LYPD6B: variants seen among roughly 807,000 people sequenced by gnomAD.
The protein encoded by LYPD6B is ly6/PLAUR domain-containing protein 6B.
A neutral mutation model predicts 22.8 loss-of-function variants in LYPD6B; 17 were observed. That is an observed-to-expected ratio of 0.75 (90% CI 0.51 to 1.12). The LOEUF (loss-of-function observed/expected upper bound fraction) is 1.12. LYPD6B is among the 50% of genes most tolerant of loss of function. The pLI, the probability that LYPD6B is intolerant of heterozygous loss-of-function variation, is 0.00. For synonymous variants in LYPD6B, 106 were observed against 91.6 expected (o/e 1.16, Z -0.90); for missense variants, 221 against 258.3 (o/e 0.86, Z 0.99).
In LYPD6B at chr2:149,121,339, A is replaced by G. The variant is rs570433736; in HGVS notation, c.-66-9544A>G. The stretch of plus-strand genomic sequence containing the variant: ...TTTGTTTTTTATGCAATTCATCTTA[A>G]TGGGTTTGCTTCCCTGAGGGATGGT... On this transcript the variant is annotated intron_variant, in intron 1 of 6. Coordinates refer to ENST00000409642, the MANE Select transcript of LYPD6B (RefSeq NM_177964.5). Among the ~76,000 whole-genome samples, 34 of 152,306 alleles carry G rather than the reference A, an allele frequency of 2.2e-4. No individual in the cohort carries two copies. In the South Asian group the frequency reaches 3.7e-3, roughly 17 times the overall value.
At chr2:149,106,248 C>A (rs996645343) in intron 1 of LYPD6B, among the ~76,000 whole-genome samples, 7 of 151,932 alleles carry the variant, frequency 4.6e-5, no homozygotes, top group Non-Finnish European at 7.4e-5. Context: ...TTGCAATTTT[C>A]TTTTATTATA....
At chr2:149,188,166 G>A (rs758133776) in intron 3 of LYPD6B, among the ~76,000 whole-genome samples, 1 of 152,184 alleles carries the variant, frequency 6.6e-6, no homozygotes, top group Non-Finnish European at 1.5e-5. Context: ...CAGTATAGGA[G>A]AGAGACAAGT....
intron 1 of LYPD6B, among the ~76,000 whole-genome samples, chr2:149,057,868 T>C (rs1558972308): frequency 6.6e-6 from 1 of 152,274 alleles, no homozygotes; most frequent in East Asian, 1.9e-4. Flanking sequence ...AGCAGAGCTT[T>C]CCCTGTGATG....
At chr2:149,103,127 T>C (rs1197506051) in intron 1 of LYPD6B, among the ~76,000 whole-genome samples, 1 of 152,138 alleles carries the variant, frequency 6.6e-6, no homozygotes, top group Admixed American at 6.5e-5. Flanking sequence ...ATGACAGGCA[T>C]GACAAAGGGA....
At chr2:149,152,293 C>T (rs1689429639) in intron 2 of LYPD6B, among the ~76,000 whole-genome samples, 1 of 152,204 alleles carries the variant, frequency 6.6e-6, no homozygotes, top group Non-Finnish European at 1.5e-5. Flanking sequence ...GAGTACATGT[C>T]ATATGCAAGG....
chr2:149,113,814 T>G (rs1425236738), intron 1 of LYPD6B, among the ~76,000 whole-genome samples: 1 of 152,166 alleles, frequency 6.6e-6, no homozygotes, highest in African/African-American at 2.4e-5. Flanking sequence ...TGAGTTCAGT[T>G]GGCTTCCTGG....
rs562210747 is a variant in LYPD6B at position 149,135,662 on chromosome 2, G to A, written c.5+4709G>A. 1.6e-4 allele frequency among the ~76,000 whole-genome samples: 22 copies of A among 139,418 alleles called. No individual in the cohort carries two copies. The South Asian group carries it at 5.2e-3, about 33-fold the overall frequency. The allele number at this position is 139,418 out of a possible 152,430, so 91.5% of individuals were successfully genotyped here. On this transcript the variant is annotated intron_variant, in intron 2 of 6. Coordinates refer to ENST00000409642, the MANE Select transcript of LYPD6B (RefSeq NM_177964.5). Reference sequence around the variant, plus strand: ...TTGAACCTGGGAGGCGGAGCCTGCTGTGAGCCAAGATCATGCCACTGCACT... The same window carrying A: ...TTGAACCTGGGAGGCGGAGCCTGCTATGAGCCAAGATCATGCCACTGCACT...
intron 2 of LYPD6B, among the ~76,000 whole-genome samples, chr2:149,151,141 G>C (rs1689345968): frequency 6.6e-6 from 1 of 152,080 alleles, no homozygotes. Context: ...TGGTGATCCT[G>C]GGCTGTCTTT....
chr2:149,108,229 C>T (rs750018627), intron 1 of LYPD6B, among the ~76,000 whole-genome samples: 14 of 152,172 alleles, frequency 9.2e-5, no homozygotes, highest in Non-Finnish European at 1.8e-4. Context: ...TGCCTTCCAC[C>T]ATGATTGTAA....
intron 2 of LYPD6B, among the ~76,000 whole-genome samples, chr2:149,145,105 G>T (rs893954333): frequency 2.6e-5 from 4 of 152,144 alleles, no homozygotes; most frequent in Non-Finnish European, 4.4e-5. Context: ...ATTTGAAAAT[G>T]TTGAGAAACA....
At chr2:149,096,388 A>G (rs1685905235) in intron 1 of LYPD6B, among the ~76,000 whole-genome samples, 1 of 152,178 alleles carries the variant, frequency 6.6e-6, no homozygotes, top group African/African-American at 2.4e-5. Context: ...GTGAGTTATC[A>G]CCGCACAAAT....
intron 5 of LYPD6B, among the ~76,000 whole-genome samples, chr2:149,211,100 AG>A (rs1024494659): frequency 3.3e-5 from 5 of 152,030 alleles, no homozygotes; most frequent in African/African-American, 1.2e-4. Context: ...CAAGAAAGAG[AG>A]GGGGGAGGTG....
At chr2:149,083,824 C>T (rs1195396118) in intron 1 of LYPD6B, among the ~76,000 whole-genome samples, 1 of 152,124 alleles carries the variant, frequency 6.6e-6, no homozygotes, top group African/African-American at 2.4e-5. Context: ...TGTCTGTAAT[C>T]TCAGCAGTTT....
chr2:149,167,283 T>C (rs1004260869), intron 3 of LYPD6B, among the ~76,000 whole-genome samples: 6 of 152,172 alleles, frequency 3.9e-5, no homozygotes, highest in African/African-American at 1.4e-4. Context: ...AGGAAGCGTC[T>C]TTTGTTTCAG....
chr2:149,207,179 A>C (rs540700501), intron 4 of LYPD6B, among the ~76,000 whole-genome samples: 2 of 152,276 alleles, frequency 1.3e-5, no homozygotes, highest in Admixed American at 6.5e-5. Flanking sequence ...CTGCTGATAC[A>C]CTTTTGAACA....
At chr2:149,172,837 G>A (rs769535786) in intron 3 of LYPD6B, among the ~76,000 whole-genome samples, 40 of 151,954 alleles carry the variant, frequency 2.6e-4, no homozygotes, top group Non-Finnish European at 2.1e-4. Flanking sequence ...TGCCTTCAGT[G>A]CTCCTGGTTC....
chr2:149,118,247 A>G (rs1182999539), intron 1 of LYPD6B: 1 of 152,222 alleles, frequency 6.6e-6, no homozygotes, highest in Non-Finnish European at 1.5e-5. Context: ...GACCACCACT[A>G]CCGAGGCTGG....
intron 3 of LYPD6B, among the ~76,000 whole-genome samples, chr2:149,180,635 A>G (rs76741280): frequency 0.1 from 15,299 of 152,282 alleles, 895 homozygotes; most frequent in Non-Finnish European, 0.11. Context: ...CAGGAGGCTC[A>G]GCCCTGGAAC....
intron 1 of LYPD6B, among the ~76,000 whole-genome samples, chr2:149,059,384 CCAAG>C (rs1683963700): frequency 6.6e-6 from 1 of 152,236 alleles, no homozygotes; most frequent in South Asian, 2.1e-4. Flanking sequence ...TTCCATGGTT[CCAAG>C]CCAATATAGT....
Sources: gnomAD v4.1 joint callset for allele counts (sites outside exome capture counted in the v4.1 genomes callset) on GRCh38, gnomAD v4.1.1 for gene constraint, MANE v1.5 for transcripts, NCBI Gene and HGNC (gene_info 2026-07-23, HGNC 2026-07-21) for gene names.